GAS7: variants seen among roughly 807,000 people sequenced by gnomAD.
GAS7 encodes the protein growth arrest specific 7.
Under a neutral mutation model 71.1 loss-of-function variants are expected in GAS7, and 28 were observed. The observed-to-expected ratio is 0.39, with a 90% CI of 0.29 to 0.54. GAS7 has a LOEUF of 0.54. Among genes scored for constraint, GAS7 ranks in the 20% least tolerant of loss-of-function variants. The pLI, the probability that GAS7 is intolerant of heterozygous loss-of-function variation, is 0.62. For synonymous variants in GAS7, 258 were observed against 245.8 expected (o/e 1.05, Z -0.46); for missense variants, 436 against 627.8 (o/e 0.69, Z 3.27).
chr17:10,128,206 A>G (rs1053984207), intron 1 of GAS7, among the ~76,000 whole-genome samples: 2 of 152,248 alleles, frequency 1.3e-5, no homozygotes, highest in Non-Finnish European at 2.9e-5. Flanking sequence ...TGGAGGCCAC[A>G]GTGCTCCAGG....
chr17:10,117,814 T>C (rs949957918), intron 1 of GAS7, among the ~76,000 whole-genome samples: 1 of 151,958 alleles, frequency 6.6e-6, no homozygotes, highest in Non-Finnish European at 1.5e-5. Context: ...GCTACAGTGG[T>C]AGGGTGGTGA....
chr17:10,064,974 C>T (rs1242878533), intron 1 of GAS7, among the ~76,000 whole-genome samples: 5 of 150,394 alleles, frequency 3.3e-5, no homozygotes, highest in African/African-American at 1.2e-4. Flanking sequence ...GTGTGTGCCA[C>T]CACACCTAGT....
At chr17:9,951,533 G>C (rs1253127233) in intron 5 of GAS7, among the ~76,000 whole-genome samples, 2 of 152,128 alleles carry the variant, frequency 1.3e-5, no homozygotes. Flanking sequence ...GAGATGGGTG[G>C]ATCACCTGAG....
chr17:10,074,718 G>GA (rs1365840705), intron 1 of GAS7, among the ~76,000 whole-genome samples: 3 of 152,050 alleles, frequency 2.0e-5, no homozygotes, highest in African/African-American at 2.4e-5. Flanking sequence ...AAATCGTTAA[G>GA]AAAAAACCAC....
chr17:10,030,487 G>A (rs1316317228), intron 1 of GAS7, among the ~76,000 whole-genome samples: 1 of 152,208 alleles, frequency 6.6e-6, no homozygotes, highest in Non-Finnish European at 1.5e-5. Flanking sequence ...AGGGGGTCAG[G>A]TGCATGAGGC....
At chr17:10,090,762 C>T (rs531443196) in intron 1 of GAS7, among the ~76,000 whole-genome samples, 20 of 152,036 alleles carry the variant, frequency 1.3e-4, no homozygotes, top group African/African-American at 3.6e-4. Context: ...TGGATGAGGA[C>T]GTGGAGTGCC....
At chr17:10,138,900 T>C (rs1395371125) in intron 1 of GAS7, among the ~76,000 whole-genome samples, 7 of 152,240 alleles carry the variant, frequency 4.6e-5, no homozygotes, top group Middle Eastern at 3.2e-3. Flanking sequence ...AGAAAGTCTA[T>C]TCATATTGTT....
chr17:9,990,413 T>G (rs935486833), intron 2 of GAS7, among the ~76,000 whole-genome samples: 1 of 152,208 alleles, frequency 6.6e-6, no homozygotes, highest in Non-Finnish European at 1.5e-5. Context: ...GTACAATGTC[T>G]GTTACAACCT....
intron 1 of GAS7, among the ~76,000 whole-genome samples, chr17:10,191,990 G>A (rs1306236887): frequency 1.3e-5 from 2 of 152,000 alleles, no homozygotes; most frequent in African/African-American, 2.4e-5. Flanking sequence ...AGTAGTAGAC[G>A]GAGAACTAGG....
At chr17:9,965,744 A>C (rs1369949996) in intron 4 of GAS7, among the ~76,000 whole-genome samples, 1 of 152,160 alleles carries the variant, frequency 6.6e-6, no homozygotes, top group Non-Finnish European at 1.5e-5. Flanking sequence ...GGTGGGCTGC[A>C]TTTACCCAGT....
At position 10,036,677 on chromosome 17, in the gene GAS7, C is replaced by T. The variant is rs1048698754; in HGVS notation, c.184-16780G>A. 28 of 1,327,294 alleles carry T rather than the reference C, an allele frequency of 2.1e-5. No homozygotes were observed. The Middle Eastern group carries it at 8.5e-4, about 40-fold the overall frequency. The allele number at this position is 1,327,294 out of a possible 1,614,324, so 82.2% of individuals were successfully genotyped here. On this transcript the variant is annotated intron_variant, in intron 1 of 13. Transcript: ENST00000432992. Reference sequence around the variant, plus strand: ...AAGAACCCACTACATTGCATAGTTCCTTCCAAATCCGCTCCAGTGCTTGCT... The same window carrying T: ...AAGAACCCACTACATTGCATAGTTCTTTCCAAATCCGCTCCAGTGCTTGCT...
chr17:10,119,360 C>T lies in GAS7; in HGVS notation c.183+78848G>A, dbSNP rs530429934. On this transcript the variant is annotated intron_variant, in intron 1 of 13. Coordinates refer to ENST00000432992, the MANE Select transcript of GAS7 (RefSeq NM_201433.2). ...CATTAAGTAGTTACTGAGTGCTCAC[C>T]GTGGGCCTGGCCCAGGCCCTCAGTG... is the stretch of plus-strand genomic sequence containing the variant. Among the ~76,000 whole-genome samples the T allele has an allele frequency of 4.6e-5, 7 of 152,292 alleles. No homozygotes were observed. In the South Asian group the frequency reaches 1.5e-3, roughly 32 times the overall value.
In GAS7 at chr17:9,911,773, C is replaced by T. The variant is rs903582597; in HGVS notation, c.*5455G>A. The T allele has an allele frequency of 4.3e-5, 10 of 232,188 alleles. No individual in the cohort carries two copies. Among genetic ancestry groups the T allele is most frequent in the Non-Finnish European group, 6.8e-5 (8 of 117,466 alleles). The allele number at this position is 232,188 out of a possible 1,614,324, so 14.4% of individuals were successfully genotyped here. A position where few individuals can be genotyped will look rare whatever the true frequency, so the allele number is the denominator to read the frequency against. On this transcript the variant is annotated 3_prime_UTR_variant, in exon 14 of 14. Coordinates refer to ENST00000432992, the MANE Select transcript of GAS7 (RefSeq NM_201433.2). The surrounding 1 kb of genome is among the most constrained non-coding windows in gnomAD (Gnocchi z 4.0). ...TCAGGCTTCCTGGCCCTAATCTTCACCTGGCCTGGATCCAGAAATGTCTCT... is the reference window on the plus strand; with the variant it reads ...TCAGGCTTCCTGGCCCTAATCTTCATCTGGCCTGGATCCAGAAATGTCTCT...
chr17:10,198,353 G>A lies in GAS7; in HGVS notation c.38C>T (p.Ser13Phe), dbSNP rs1235573090. The A allele has an allele frequency of 6.3e-7, 1 of 1,598,090 alleles. No homozygotes were observed. Among genetic ancestry groups the A allele is most frequent in the East Asian group, 2.2e-5 (1 of 44,776 alleles). The change falls in exon 1 of 14, where the codon TCC (serine) becomes TTC (phenylalanine). Residue 13 changes from serine to phenylalanine, a missense_variant. Physicochemically the swap from Ser to Phe is radical, Grantham distance 155 (BLOSUM62 -2). Transcript: ENST00000432992. ...GARCRTLYPF[S>F]GERHGQGLRF... Reference sequence around the variant, plus strand: ...CAGCCCCTGGCCGTGCCGCTCCCCGGAGAAGGGGTACAGGGTCCGGCAGCG... The same window carrying A: ...CAGCCCCTGGCCGTGCCGCTCCCCGAAGAAGGGGTACAGGGTCCGGCAGCG...
At chr17:10,190,306 C>T (rs936896159) in intron 1 of GAS7, among the ~76,000 whole-genome samples, 7 of 152,080 alleles carry the variant, frequency 4.6e-5, no homozygotes, top group Admixed American at 6.6e-5. Flanking sequence ...TGTTTCTGGC[C>T]GGGCGCAGTG....
intron 2 of GAS7, among the ~76,000 whole-genome samples, chr17:9,989,760 T>C (rs1333440162): frequency 6.6e-6 from 1 of 152,184 alleles, no homozygotes; most frequent in Non-Finnish European, 1.5e-5. Context: ...GAGAGAAATG[T>C]ATTATGTATC....
At chr17:10,024,611 G>A (rs1009440660) in intron 1 of GAS7, among the ~76,000 whole-genome samples, 18 of 152,110 alleles carry the variant, frequency 1.2e-4, no homozygotes, top group African/African-American at 4.1e-4. Flanking sequence ...ATAAAACGCG[G>A]CCTCTTCCTC....
At chr17:10,048,846 T>C (rs188392161) in intron 1 of GAS7, among the ~76,000 whole-genome samples, 2 of 152,358 alleles carry the variant, frequency 1.3e-5, no homozygotes, top group Admixed American at 6.5e-5. Flanking sequence ...ATGTAAGTCA[T>C]TTCTTGCTCA....
chr17:10,031,930 C>T (rs1198316612), intron 1 of GAS7, among the ~76,000 whole-genome samples: 4 of 152,000 alleles, frequency 2.6e-5, no homozygotes, highest in African/African-American at 4.8e-5. Context: ...CTCTGATAGA[C>T]GGGTTTGGAG....
Sources: gnomAD v4.1 joint callset for allele counts (sites outside exome capture counted in the v4.1 genomes callset) on GRCh38, gnomAD v4.1.1 for gene constraint, Gnocchi (gnomAD v3.1) non-coding constraint, MANE v1.5 for transcripts, NCBI Gene and HGNC (gene_info 2026-07-23, HGNC 2026-07-21) for gene names.